Variants in TRHDE observed in about 807,000 individuals in gnomAD.
The protein encoded by TRHDE is thyrotropin-releasing hormone-degrading ectoenzyme.
A neutral mutation model predicts 125.7 loss-of-function variants in TRHDE; 72 were observed. That is an observed-to-expected ratio of 0.57 (90% CI 0.47 to 0.70). The LOEUF (loss-of-function observed/expected upper bound fraction) is 0.70, where lower values mean the gene tolerates loss of function less well. Among genes scored for constraint, TRHDE ranks in the 30% least tolerant of loss-of-function variants. The pLI is 0.00. For missense variants in TRHDE, 1,110 were observed against 1,327.1 expected (o/e 0.84, Z 2.54); for synonymous variants, 509 against 509.1 (o/e 1.00, Z 0.00).
intron 2 of TRHDE, among the ~76,000 whole-genome samples, chr12:72,168,871 C>T (rs1289198908): frequency 6.6e-6 from 1 of 152,148 alleles, no homozygotes; most frequent in Non-Finnish European, 1.5e-5. Flanking sequence ...GTCTTATTTA[C>T]AGGACTGAGT....
chr12:72,087,767 A>G (rs537659509), intron 1 of TRHDE, among the ~76,000 whole-genome samples: 14 of 152,152 alleles, frequency 9.2e-5, no homozygotes, highest in South Asian at 2.1e-4. Context: ...TTGAGCAAAG[A>G]CAATATGAAA....
At chr12:72,647,761 G>C (rs1169610255) in intron 15 of TRHDE, among the ~76,000 whole-genome samples, 2 of 152,110 alleles carry the variant, frequency 1.3e-5, no homozygotes, top group Admixed American at 1.3e-4. Context: ...AACTGGGATG[G>C]AGATTGAATT....
intron 3 of TRHDE, among the ~76,000 whole-genome samples, chr12:72,434,253 A>C (rs1315491289): frequency 6.6e-6 from 1 of 151,600 alleles, no homozygotes; most frequent in Admixed American, 6.6e-5. Flanking sequence ...AGCATGGTGG[A>C]CCACACCTGT....
intron 12 of TRHDE, among the ~76,000 whole-genome samples, chr12:72,584,850 T>A (rs894825771): frequency 1.3e-5 from 2 of 152,250 alleles, no homozygotes; most frequent in African/African-American, 4.8e-5. Flanking sequence ...ATAACTTTGC[T>A]GCAATAAATA....
chr12:72,570,471 C>T (rs765473193), intron 10 of TRHDE, among the ~76,000 whole-genome samples: 1 of 150,202 alleles, frequency 6.7e-6, no homozygotes, highest in Non-Finnish European at 1.5e-5. Context: ...ATCCCAGCTA[C>T]TCGGTAGACT....
intron 2 of TRHDE, among the ~76,000 whole-genome samples, chr12:72,267,304 T>C (rs550020989): frequency 1.2e-4 from 18 of 152,236 alleles, no homozygotes; most frequent in Non-Finnish European, 2.2e-4. Context: ...TAAAAAGTTT[T>C]AACCTAGCAT....
intron 15 of TRHDE, among the ~76,000 whole-genome samples, chr12:72,628,382 A>AAAC (rs4019076): frequency 0.22 from 33,246 of 151,604 alleles, 4,226 homozygotes; most frequent in East Asian, 0.54. Flanking sequence ...TGTTAAGTGG[A>AAAC]AACAACAGTG....
In TRHDE at chr12:72,610,316, T is replaced by G. The variant is rs189108119; in HGVS notation, c.2322-8575T>G. Among the ~76,000 whole-genome samples the G allele has an allele frequency of 1.2e-4, 18 of 152,344 alleles. No individual in the cohort carries two copies. In the East Asian group the frequency reaches 3.5e-3, roughly 29 times the overall value. ...TCTTTAAAACTTACCTTCTCTGTTT[T>G]TATGTCATTCATTTCACTCACTAGG... On this transcript the variant is annotated intron_variant, in intron 12 of 18. Coordinates refer to ENST00000261180, the MANE Select transcript of TRHDE (RefSeq NM_013381.3).
intron 12 of TRHDE, among the ~76,000 whole-genome samples, chr12:72,599,983 T>G (rs1872142556): frequency 1.3e-5 from 2 of 152,026 alleles, no homozygotes; most frequent in African/African-American, 4.8e-5. Flanking sequence ...ATTTCAGCAC[T>G]ATTTATTGAA....
At chr12:72,475,334 T>A (rs1876841021) in intron 5 of TRHDE, among the ~76,000 whole-genome samples, 1 of 152,194 alleles carries the variant, frequency 6.6e-6, no homozygotes, top group African/African-American at 2.4e-5. Context: ...AAAGATGTCC[T>A]TATTACAAGT....
At chr12:72,520,457 CT>C (rs1879136264) in intron 6 of TRHDE, among the ~76,000 whole-genome samples, 1 of 152,180 alleles carries the variant, frequency 6.6e-6, no homozygotes, top group Admixed American at 6.5e-5. Flanking sequence ...CTCCCTGACC[CT>C]TTGCGCTTCC....
chr12:72,185,402 A>G (rs1003875319), intron 2 of TRHDE, among the ~76,000 whole-genome samples: 2 of 152,198 alleles, frequency 1.3e-5, no homozygotes, highest in Admixed American at 6.5e-5. Flanking sequence ...GCCCAGTCCC[A>G]TCCACCACCC....
chr12:72,357,366 A>AT (rs1334571223), intron 2 of TRHDE, among the ~76,000 whole-genome samples: 2 of 151,456 alleles, frequency 1.3e-5, no homozygotes, highest in Admixed American at 1.3e-4. Flanking sequence ...ACATCTATTC[A>AT]TTTTTCTCCC....
At chr12:72,234,505 C>G (rs1238174047) in intron 2 of TRHDE, among the ~76,000 whole-genome samples, 1 of 151,984 alleles carries the variant, frequency 6.6e-6, no homozygotes, top group East Asian at 1.9e-4. Flanking sequence ...TCTGAGGGCT[C>G]TTTTTGATTA....
intron 3 of TRHDE, among the ~76,000 whole-genome samples, chr12:72,459,535 T>C (rs1876024757): frequency 6.6e-6 from 1 of 152,192 alleles, no homozygotes; most frequent in South Asian, 2.1e-4. Context: ...CACCACTGTT[T>C]CGTGAATGCT....
intron 2 of TRHDE, among the ~76,000 whole-genome samples, chr12:72,287,164 C>T (rs1434936628): frequency 6.6e-6 from 1 of 152,036 alleles, no homozygotes; most frequent in Non-Finnish European, 1.5e-5. Flanking sequence ...CTCTTATTCC[C>T]TTAACCACCT....
Position 72,653,121 on chromosome 12 carries a change from G to A in TRHDE, c.2949G>A (p.Lys983=), listed in dbSNP as rs756744039. Residue 983 remains lysine, a synonymous_variant, in exon 17 of 19, where the codon AAG becomes AAA. Transcript: ENST00000261180. ...RNPHGRDLAW[K]FFRDKWKILN... ...CACATGGTCGAGACCTTGCCTGGAA[G>A]TTTTTCAGGGATAAATGGAAGATAT... The A allele has an allele frequency of 4.8e-5, 78 of 1,609,418 alleles. No individual in the cohort carries two copies. Among genetic ancestry groups the A allele is most frequent in the Non-Finnish European group, 6.5e-5 (77 of 1,177,504 alleles).
chr12:72,519,190 C>T (rs1879045493), intron 6 of TRHDE, among the ~76,000 whole-genome samples: 1 of 152,126 alleles, frequency 6.6e-6, no homozygotes, highest in South Asian at 2.1e-4. Flanking sequence ...TGAATGTTGG[C>T]CTGCCTTGCT....
intron 3 of TRHDE, among the ~76,000 whole-genome samples, chr12:72,409,389 G>T (rs1873400798): frequency 6.6e-6 from 1 of 152,158 alleles, no homozygotes; most frequent in Non-Finnish European, 1.5e-5. Context: ...TGGTGGAGCA[G>T]ATCCTATTAA....
Sources: allele counts gnomAD v4.1 joint callset (sites outside exome capture counted in the v4.1 genomes callset), GRCh38; gene constraint gnomAD v4.1.1; transcripts MANE v1.5; gene names NCBI Gene and HGNC (gene_info 2026-07-23, HGNC 2026-07-21).